The following HOOK3 variants were observed in gnomAD, a reference collection of about 807,000 sequenced individuals.
The protein encoded by HOOK3 is protein Hook homolog 3.
Under a neutral mutation model 116.3 loss-of-function variants are expected in HOOK3, and 24 were observed. The ratio of observed to expected loss-of-function variants is 0.21; its 90% CI spans 0.15 to 0.29. HOOK3 has a LOEUF of 0.29. Among genes scored for constraint, HOOK3 ranks in the 10% least tolerant of loss-of-function variants. HOOK3 has a pLI of 1.00. For missense variants in HOOK3, 632 were observed against 830.2 expected (o/e 0.76, Z 2.93); for synonymous variants, 275 against 283.0 (o/e 0.97, Z 0.28).
intron 3 of HOOK3, among the ~76,000 whole-genome samples, chr8:42,927,873 G>A (rs1032983734): frequency 2.6e-5 from 4 of 152,324 alleles, no homozygotes; most frequent in South Asian, 2.1e-4. Flanking sequence ...CAGGCCAGGC[G>A]TGGTGGCTTA....
chr8:42,935,025 C>G (rs527394409), intron 4 of HOOK3, among the ~76,000 whole-genome samples: 1 of 152,268 alleles, frequency 6.6e-6, no homozygotes, highest in African/African-American at 2.4e-5. Context: ...AAAAGCATTC[C>G]TATTTCTCCA....
At chr8:42,931,678 C>T (rs1246042910) in intron 4 of HOOK3, among the ~76,000 whole-genome samples, 3 of 151,584 alleles carry the variant, frequency 2.0e-5, no homozygotes, top group Non-Finnish European at 4.4e-5. Context: ...GTGATCTGCC[C>T]GCCTCGGCCT....
chr8:42,940,299 G>A (rs1170454537), intron 4 of HOOK3, among the ~76,000 whole-genome samples: 1 of 152,252 alleles, frequency 6.6e-6, no homozygotes. Context: ...GGCCAACACA[G>A]CGAAACCCCG....
chr8:43,004,236 G>A (rs946928787), intron 17 of HOOK3, among the ~76,000 whole-genome samples: 23 of 151,298 alleles, frequency 1.5e-4, no homozygotes, highest in African/African-American at 5.1e-4. Context: ...GCATGGTGGC[G>A]TGCACCTGTA....
At chr8:43,015,278 T>G (rs1809690858) in intron 21 of HOOK3, among the ~76,000 whole-genome samples, 1 of 152,122 alleles carries the variant, frequency 6.6e-6, no homozygotes, top group South Asian at 2.1e-4. Flanking sequence ...ATCCCAGCAC[T>G]TTGGGAGGCC....
chr8:43,012,150 A>G (rs1004331348), intron 19 of HOOK3, among the ~76,000 whole-genome samples: 1 of 152,264 alleles, frequency 6.6e-6, no homozygotes, highest in Non-Finnish European at 1.5e-5. Context: ...CTGTACAGAC[A>G]CATGTCATTT....
chr8:43,011,239 C>CGCCTCG (rs1268293069), intron 19 of HOOK3, among the ~76,000 whole-genome samples: 1 of 152,022 alleles, frequency 6.6e-6, no homozygotes, highest in Non-Finnish European at 1.5e-5. Flanking sequence ...GTGATCCGCC[C>CGCCTCG]GCCTCGGCCT....
chr8:42,939,526 ATCCCCCCACCTCCCTCCCGGACAGGGCG>A, intron 4 of HOOK3, among the ~76,000 whole-genome samples: 2 of 131,908 alleles, frequency 1.5e-5, no homozygotes, highest in Non-Finnish European at 3.2e-5. Flanking sequence ...CGGGGGGCTG[ATCCCCCCACCTCCCTCCCGGACAGGGCG>A]GCTGGCCGAG....
chr8:42,992,472 C>T lies in HOOK3; in HGVS notation c.1533-5078C>T, dbSNP rs987218074. 5.4e-5 allele frequency among the ~76,000 whole-genome samples: 8 copies of T among 147,016 alleles called. No homozygotes were observed. In the South Asian group the frequency reaches 6.4e-4, roughly 12 times the overall value. On this transcript the variant is annotated intron_variant, in intron 15 of 21. Transcript: ENST00000307602. ...GTGGCTCTTCCCTGTAATCCCAGCA[C>T]TTTGGGAGGCTGAGGCGGGCGGATC...
At position 42,906,149 on chromosome 8, in the gene HOOK3, C is replaced by CT. The variant is rs200070946; in HGVS notation, c.58-24_58-23insT. ...CAGAGGTAACCACAGAATCTCTCCC[C>CT]CCCCCCTCTTTTTTTCCCTTCAGAT... is the stretch of plus-strand genomic sequence containing the variant. On this transcript the variant is annotated intron_variant, in intron 1 of 21. Coordinates refer to ENST00000307602, the MANE Select transcript of HOOK3 (RefSeq NM_032410.4). 2.1e-5 allele frequency: 22 copies of CT among 1,046,792 alleles called. No individual in the cohort carries two copies. The Admixed American group carries it at 3.6e-4, about 17-fold the overall frequency. 64.8% of individuals were successfully genotyped at this position (1,046,792 alleles called of 1,614,324 possible). A position where few individuals can be genotyped will look rare whatever the true frequency, so the allele number is the denominator to read the frequency against.
chr8:42,953,171 A>G (rs1395039772), intron 6 of HOOK3, among the ~76,000 whole-genome samples: 1 of 151,824 alleles, frequency 6.6e-6, no homozygotes, highest in Non-Finnish European at 1.5e-5. Context: ...TTACTAAGCA[A>G]GAGCAGGGAA....
chr8:42,994,863 A>G (rs568379003), intron 15 of HOOK3, among the ~76,000 whole-genome samples: 2 of 152,240 alleles, frequency 1.3e-5, no homozygotes, highest in Non-Finnish European at 2.9e-5. Context: ...ATTGTGTTTT[A>G]TGATGTTTAC....
intron 15 of HOOK3, among the ~76,000 whole-genome samples, chr8:42,997,148 T>G (rs1809294521): frequency 6.6e-6 from 1 of 152,162 alleles, no homozygotes; most frequent in Non-Finnish European, 1.5e-5. Flanking sequence ...GCTCATGCAG[T>G]CCATCCACCT....
intron 16 of HOOK3, among the ~76,000 whole-genome samples, chr8:42,998,628 C>T (rs1410329816): frequency 6.6e-6 from 1 of 151,898 alleles, no homozygotes; most frequent in Admixed American, 6.6e-5. Flanking sequence ...ATAGAAAGCT[C>T]ATCCATGGCC....
chr8:42,897,446 C>A (rs1486012745), intron 1 of HOOK3, among the ~76,000 whole-genome samples: 1 of 152,042 alleles, frequency 6.6e-6, no homozygotes, highest in Non-Finnish European at 1.5e-5. Flanking sequence ...CGGCTGCTCG[C>A]AGCTGGGGCT....
intron 6 of HOOK3, 91 bp from the exon 7 acceptor site, chr8:42,957,003 A>G: frequency 3.3e-6 from 2 of 606,240 alleles, no homozygotes; most frequent in Non-Finnish European, 5.6e-6. Flanking sequence ...ATATTTCTAT[A>G]GTGGCTGGGT....
intron 2 of HOOK3, among the ~76,000 whole-genome samples, chr8:42,915,530 C>G (rs936374106): frequency 1.3e-5 from 2 of 152,144 alleles, no homozygotes; most frequent in Admixed American, 1.3e-4. Context: ...TTTCCAGGTT[C>G]AAGCGATTCT....
Position 42,973,418 on chromosome 8 carries a change from C to CATTT in HOOK3, c.1233+20_1233+23dup. The CATTT allele has an allele frequency of 6.4e-7, 1 of 1,559,248 alleles. No homozygotes were observed. The highest frequency in any genetic ancestry group is 2.2e-5 in the East Asian group (1 of 44,490). On this transcript the variant is annotated intron_variant, in intron 12 of 21. Coordinates refer to ENST00000307602, the MANE Select transcript of HOOK3 (RefSeq NM_032410.4). ...AAAGGACGTGAGTATATATATTAGG[C>CATTT]ATTTTGGTTTTGAGCACTGCTAAAA...
chr8:42,969,113 G>A (rs1808683099), intron 11 of HOOK3, among the ~76,000 whole-genome samples: 1 of 152,026 alleles, frequency 6.6e-6, no homozygotes, highest in African/African-American at 2.4e-5. Context: ...GGATGTTTCA[G>A]CTTTTTTTTC....
Sources: gnomAD v4.1 joint callset for allele counts (sites outside exome capture counted in the v4.1 genomes callset) on GRCh38, gnomAD v4.1.1 for gene constraint, MANE v1.5 for transcripts, NCBI Gene and HGNC (gene_info 2026-07-23, HGNC 2026-07-21) for gene names.